The following IQGAP1 variants were observed in gnomAD, a reference collection of about 807,000 sequenced individuals.
IQGAP1 encodes IQ motif containing GTPase activating protein 1, also known as ras GTPase-activating-like protein IQGAP1.
In IQGAP1, 66 loss-of-function variants were observed where a neutral mutation model predicts 215.6. The ratio of observed to expected loss-of-function variants is 0.31; its 90% confidence interval spans 0.25 to 0.38. The LOEUF is 0.38. Ranked by LOEUF, IQGAP1 falls within the 10% of genes least tolerant of loss-of-function variation. The probability of loss-of-function intolerance (pLI) is 1.00; values close to 1 mark genes in which losing one functional copy is unlikely to be tolerated. For missense variants in IQGAP1, 1,712 were observed against 1,997.1 expected (o/e 0.86, Z 2.72); for synonymous variants, 772 against 728.7 (o/e 1.06, Z -0.96).
chr15:90,487,547 A>C lies in IQGAP1; in HGVS notation c.4213A>C (p.Thr1405Pro). The change falls in exon 33 of 38, where the codon ACT becomes CCT. Residue 1405 changes from threonine to proline, a missense_variant. By Grantham distance (38) the Thr-to-Pro change is conservative (BLOSUM62 -1). This residue lies in a region of IQGAP1 where 691 missense variants were observed against 923.0 expected (regional missense o/e 0.75). Transcript: ENST00000268182. ...CCGGTTCCAGCCAGGAGAGACCTTGACTGAAATCCTAGAAACACCAGCCAC... is the reference window on the plus strand; with the variant it reads ...CCGGTTCCAGCCAGGAGAGACCTTGCCTGAAATCCTAGAAACACCAGCCAC... Reference protein sequence around the residue: ...VIRFQPGETLTEILETPATSE... With the variant: ...VIRFQPGETLPEILETPATSE... 2 of 1,614,060 alleles carry C rather than the reference A, an allele frequency of 1.2e-6. No individual in the cohort carries two copies. Among genetic ancestry groups the C allele is most frequent in the Non-Finnish European group, 1.7e-6 (2 of 1,179,942 alleles).
rs137972542 is a variant in IQGAP1 at position 90,423,429 on chromosome 15, C to T, written c.156-2681C>T. Among the ~76,000 whole-genome samples, 1,304 of 152,034 alleles carry T rather than the reference C, an allele frequency of 8.6e-3. 39 individuals are homozygous for T. In the East Asian group the frequency reaches 0.11, roughly 13 times the overall value. ...TGTATTTTTAGTAGAGATGGGGTTTCGCCATGTTGTCCAGGCTGGTCTGGA... is the reference window on the plus strand; with the variant it reads ...TGTATTTTTAGTAGAGATGGGGTTTTGCCATGTTGTCCAGGCTGGTCTGGA... On this transcript the variant is annotated intron_variant, in intron 2 of 37. Coordinates refer to ENST00000268182, the MANE Select transcript of IQGAP1 (RefSeq NM_003870.4).
chr15:90,428,926 T>G lies in IQGAP1; in HGVS notation c.313-663T>G, dbSNP rs187844674. Reference sequence around the variant, plus strand: ...GAGTGCAGTGGTGCCGTCTTGGCTCTCACTGCAACCTCTGCCTCCCAGGTT... The same window carrying G: ...GAGTGCAGTGGTGCCGTCTTGGCTCGCACTGCAACCTCTGCCTCCCAGGTT... On this transcript the variant is annotated intron_variant, in intron 3 of 37. Transcript: ENST00000268182. 5.6e-3 allele frequency among the ~76,000 whole-genome samples: 853 copies of G among 152,272 alleles called. 7 individuals carry two copies. Among genetic ancestry groups the G allele is most frequent in the African/African-American group, 0.02 (824 of 41,558 alleles).
In IQGAP1 at chr15:90,474,576, T is replaced by C; in HGVS notation, c.2667T>C (p.Leu889=). ...SDQDFQEELD[L]MKMREEVITL... Reference sequence around the variant, plus strand: ...AGGATTTTCAGGAGGAGCTTGACCTTATGAAGATGCGGGAAGAGGTTATCA... The same window carrying C: ...AGGATTTTCAGGAGGAGCTTGACCTCATGAAGATGCGGGAAGAGGTTATCA... Residue 889 remains leucine (L), a synonymous_variant, in exon 23 of 38, where the codon CTT becomes CTC. Coordinates refer to ENST00000268182, the MANE Select transcript of IQGAP1 (RefSeq NM_003870.4). 1 of 1,614,098 alleles carries C rather than the reference T, an allele frequency of 6.2e-7. No homozygotes were observed. The highest frequency in any genetic ancestry group is 8.5e-7 in the Non-Finnish European group (1 of 1,179,960).
intron 11 of IQGAP1, among the ~76,000 whole-genome samples, chr15:90,451,262 T>C (rs991776716): frequency 6.6e-6 from 1 of 152,188 alleles, no homozygotes; most frequent in African/African-American, 2.4e-5. Flanking sequence ...AAGGGATACT[T>C]GAAGTGGGGT....
At chr15:90,394,098 G>A (rs1347997403) in intron 2 of IQGAP1, among the ~76,000 whole-genome samples, 2 of 130,890 alleles carry the variant, frequency 1.5e-5, no homozygotes, top group Non-Finnish European at 3.1e-5. Context: ...CAGTGCCATT[G>A]CACTCCAGCC....
intron 28 of IQGAP1, chr15:90,482,652 C>G: frequency 1.4e-6 from 1 of 734,198 alleles, no homozygotes; most frequent in Non-Finnish European, 1.7e-6. Flanking sequence ...CTATGCTCTT[C>G]TCTTTTCTTT....
intron 33 of IQGAP1, among the ~76,000 whole-genome samples, chr15:90,488,163 T>C (rs547044693): frequency 7.2e-5 from 11 of 152,094 alleles, no homozygotes; most frequent in Admixed American, 3.9e-4. Flanking sequence ...GGAGCCTGCA[T>C]TGAGCCAAGA....
At chr15:90,405,456 T>C (rs763431073) in intron 2 of IQGAP1, among the ~76,000 whole-genome samples, 4 of 152,218 alleles carry the variant, frequency 2.6e-5, no homozygotes, top group Non-Finnish European at 5.9e-5. Flanking sequence ...CTTGCCAAAC[T>C]AACATAATTT....
intron 15 of IQGAP1, among the ~76,000 whole-genome samples, chr15:90,459,948 A>C (rs1036186564): frequency 3.9e-5 from 6 of 152,100 alleles, no homozygotes; most frequent in Non-Finnish European, 8.8e-5. Context: ...AGAGTTTGTA[A>C]AGGATTAGCT....
intron 2 of IQGAP1, among the ~76,000 whole-genome samples, chr15:90,413,309 A>T (rs1964995588): frequency 1.3e-5 from 2 of 152,186 alleles, no homozygotes; most frequent in African/African-American, 2.4e-5. Flanking sequence ...GAGCCCCGGC[A>T]TTGGAAAGTA....
At chr15:90,497,379 G>A in intron 37 of IQGAP1, 39 bp downstream of exon 37, 3 of 982,130 alleles carry the variant, frequency 3.1e-6, no homozygotes, top group South Asian at 1.3e-5. Flanking sequence ...CTTTCTGGAT[G>A]AGATTCTTGT....
chr15:90,445,989 T>A (rs1165487385), intron 9 of IQGAP1, among the ~76,000 whole-genome samples: 2 of 152,112 alleles, frequency 1.3e-5, no homozygotes, highest in African/African-American at 4.8e-5. Flanking sequence ...TGTATTCTGC[T>A]ACCTTCTGGT....
intron 35 of IQGAP1, 145 bp from the exon 36 acceptor site, chr15:90,494,568 A>G: frequency 1.8e-6 from 1 of 551,390 alleles, no homozygotes; most frequent in Non-Finnish European, 3.2e-6. Context: ...GCTAATTCTA[A>G]CATTTGTTTG....
intron 26 of IQGAP1, among the ~76,000 whole-genome samples, chr15:90,481,120 G>A (rs1342425609): frequency 6.6e-6 from 1 of 152,136 alleles, no homozygotes; most frequent in African/African-American, 2.4e-5. Flanking sequence ...TCCCTGCAGA[G>A]GCTCTAGTGG....
At chr15:90,429,921 T>TA (rs1161006717) in intron 4 of IQGAP1, 3 of 271,024 alleles carry the variant, frequency 1.1e-5, no homozygotes, top group Middle Eastern at 1.1e-3. Context: ...ATTGTAGACT[T>TA]ACATTTTACT....
intron 2 of IQGAP1, among the ~76,000 whole-genome samples, chr15:90,394,989 T>TC (rs1964692292): frequency 6.6e-6 from 1 of 152,182 alleles, no homozygotes; most frequent in African/African-American, 2.4e-5. Flanking sequence ...ACGAAAGTTT[T>TC]CTGTGGCTGT....
rs779375491 is a variant in IQGAP1 at position 90,433,769 on chromosome 15, A to G, written c.441A>G (p.Arg147=). Residue 147 remains arginine, a synonymous_variant, in exon 5 of 38, where the codon AGA becomes AGG. Coordinates refer to ENST00000268182, the MANE Select transcript of IQGAP1 (RefSeq NM_003870.4). ...TDIYDRKNMP[R]CIYCIHALSL... ...TCTATGATCGAAAGAACATGCCAAGATGTATCTACTGTATCCATGCACTCA... is the reference window on the plus strand; with the variant it reads ...TCTATGATCGAAAGAACATGCCAAGGTGTATCTACTGTATCCATGCACTCA... The G allele has an allele frequency of 6.2e-7, 1 of 1,607,276 alleles. No individual in the cohort carries two copies. The highest frequency in any genetic ancestry group is 8.5e-7 in the Non-Finnish European group (1 of 1,175,606).
At chr15:90,429,197 C>G (rs1465408453) in intron 3 of IQGAP1, among the ~76,000 whole-genome samples, 1 of 152,156 alleles carries the variant, frequency 6.6e-6, no homozygotes, top group Non-Finnish European at 1.5e-5. Flanking sequence ...TATTCAGACA[C>G]CATACTAATT....
In IQGAP1 at chr15:90,467,512, C is replaced by G. The variant is rs1965847976; in HGVS notation, c.2098C>G (p.Leu700Val). The G allele has an allele frequency of 1.2e-6, 2 of 1,612,972 alleles. No homozygotes were observed. Among genetic ancestry groups the G allele is most frequent in the South Asian group, 1.1e-5 (1 of 90,956 alleles). Residue 700 changes from leucine to valine, a missense_variant, in exon 18 of 38, where the codon CTG (leucine) becomes GTG (valine). By Grantham distance (32) the Leu-to-Val change is conservative. Around this residue, in one of 2 missense-constraint regions of IQGAP1, gnomAD observed 1,021 missense variants for 1,074.2 expected, o/e 0.95. Transcript: ENST00000268182. ...VKGGYYYYHN[L>V]ETQEGGWDEP... ...AGGTGGATATTATTATTACCACAAT[C>G]TGGAGACCCAGGAAGGAGGATGGGA...
Sources: allele counts gnomAD v4.1 joint callset (sites outside exome capture counted in the v4.1 genomes callset), GRCh38; gene constraint gnomAD v4.1.1; regional missense constraint gnomAD v4.1.1; transcripts MANE v1.5; gene names NCBI Gene and HGNC (gene_info 2026-07-23, HGNC 2026-07-21).